The following TERT variants were observed in gnomAD, a reference collection of about 807,000 sequenced individuals.
TERT encodes the protein telomerase reverse transcriptase.
Under a neutral mutation model 104.0 loss-of-function variants are expected in TERT, and 42 were observed. The ratio of observed to expected loss-of-function variants is 0.40; its 90% CI spans 0.32 to 0.52. The LOEUF (loss-of-function observed/expected upper bound fraction) is 0.52, where lower values mean the gene tolerates loss of function less well. Ranked by LOEUF, TERT falls within the 20% of genes least tolerant of loss-of-function variation. The pLI is 0.43. For missense variants in TERT, 1,101 were observed against 1,610.3 expected (o/e 0.68, Z 5.41); for synonymous variants, 781 against 725.6 (o/e 1.08, Z -1.23).
rs373383991 is a variant in TERT, at chr5:1,278,813, G to A, written c.2131-17C>T. 2.1e-5 allele frequency: 34 copies of A among 1,613,634 alleles called. 1 individual carries two copies. The East Asian group carries it at 3.6e-4, about 17-fold the overall frequency. On this transcript the variant is annotated splice_polypyrimidine_tract_variant and intron_variant, in intron 5 of 15. Transcript: ENST00000310581. ...CACATCCACCTGTGTGAGTGGAGGC[G>A]AGGAGACTGACAGTGGCCACGCAGA...
At position 1,260,618 on chromosome 5, in the gene TERT, A is replaced by G. The variant is rs985349437; in HGVS notation, c.2844-18T>C. ...GGGCATAGCTGAGACACAGGGGGGA[A>G]TGTCAGACACAGGTGCCTGCCCCAC... On this transcript the variant is annotated intron_variant, in intron 11 of 15. Transcript: ENST00000310581. The G allele has an allele frequency of 3.7e-6, 6 of 1,613,168 alleles. No individual in the cohort carries two copies. The highest frequency in any genetic ancestry group is 5.1e-6 in the Non-Finnish European group (6 of 1,179,684).
intron 6 of TERT, among the ~76,000 whole-genome samples, chr5:1,272,498 C>T (rs1028353439): frequency 1.2e-4 from 19 of 152,066 alleles, no homozygotes; most frequent in Admixed American, 3.9e-4. Context: ...CCTGCAGCTA[C>T]CACACATCAG....
chr5:1,258,553 G>C, intron 13 of TERT, 45 bp downstream of exon 13: 1 of 1,538,898 alleles, frequency 6.5e-7, no homozygotes, highest in Non-Finnish European at 8.8e-7. Context: ...GCAGAGCGCG[G>C]AGGGTCCCTG....
chr5:1,293,626 G>T lies in TERT; in HGVS notation c.1260C>A (p.Thr420=), dbSNP rs763270537. The T allele has an allele frequency of 6.4e-7, 1 of 1,552,796 alleles. No homozygotes were observed. Among genetic ancestry groups the T allele is most frequent in the Non-Finnish European group, 8.7e-7 (1 of 1,148,088 alleles). ...KTHCPLRAAV[T]PAAGVCAREK... ...CCCGGGCACAGACACCGGCTGCTGG[G>T]GTGACCGCAGCTCGCAGCGGGCAGT... The change falls in exon 2 of 16, where the codon ACC becomes ACA. Residue 420 remains threonine, a synonymous_variant. Coordinates refer to ENST00000310581, the MANE Select transcript of TERT (RefSeq NM_198253.3).
rs948469336 is a variant in TERT at position 1,265,217 on chromosome 5, C to T, written c.2655-625G>A. On this transcript the variant is annotated intron_variant, in intron 10 of 15. Transcript: ENST00000310581. The surrounding 1 kb of genome is among the most constrained non-coding windows in gnomAD (Gnocchi z 6.9). ...CCCCCTGTGCCCGGTAGCCTCTGCT[C>T]TGGCCTGGGCATCCCCTTCCCTTCC... 1.3e-5 allele frequency among the ~76,000 whole-genome samples: 2 copies of T among 152,178 alleles called. No individual in the cohort carries two copies. Among genetic ancestry groups the T allele is most frequent in the Non-Finnish European group, 2.9e-5 (2 of 68,024 alleles).
At chr5:1,253,864 G>C in intron 15 of TERT, 33 bp from the exon 16 acceptor site, 6 of 1,587,148 alleles carry the variant, frequency 3.8e-6, no homozygotes, top group Non-Finnish European at 5.1e-6. Context: ...CGTTCCAGAA[G>C]AGGCCAGAGG....
rs111384398 is a variant in TERT, at chr5:1,256,196, T to C, written c.3033-785A>G. Among the ~76,000 whole-genome samples, 11 of 152,172 alleles carry C rather than the reference T, an allele frequency of 7.2e-5. No homozygotes were observed. Among genetic ancestry groups the C allele is most frequent in the South Asian group, 4.2e-4 (2 of 4,812 alleles). On this transcript the variant is annotated intron_variant, in intron 13 of 15. Transcript: ENST00000310581. This position sits in a 1 kb window ranked among gnomAD's most constrained non-coding sequence, Gnocchi z 7.0. ...AGCTAATTTTTGTTTTTATTTTTCA[T>C]AGAGATGGGGTTCTACTATGTTGCT...
At chr5:1,283,833 C>T (rs1440193140) in intron 2 of TERT, among the ~76,000 whole-genome samples, 2 of 147,316 alleles carry the variant, frequency 1.4e-5, no homozygotes, top group Non-Finnish European at 3.0e-5. Context: ...GGCCTAGCGA[C>T]CTCACCCTGG....
intron 2 of TERT, 61 bp downstream of exon 2, chr5:1,293,252 T>C: frequency 6.3e-7 from 1 of 1,598,900 alleles, no homozygotes; most frequent in Non-Finnish European, 8.5e-7. Flanking sequence ...TGCCCCCTTT[T>C]CTGAGCCCCT....
At chr5:1,280,364 C>G (rs1327057294) in intron 3 of TERT, 26 bp from the exon 4 acceptor site, 1 of 1,608,596 alleles carries the variant, frequency 6.2e-7, no homozygotes, top group South Asian at 1.1e-5. Context: ...CCTCAGGAGG[C>G]TTGCTCAGCC....
rs1407345114 is a variant in TERT, at chr5:1,292,743, C to T, written c.1573+570G>A. On this transcript the variant is annotated intron_variant, in intron 2 of 15. Coordinates refer to ENST00000310581, the MANE Select transcript of TERT (RefSeq NM_198253.3). This position sits in a 1 kb window ranked among gnomAD's most constrained non-coding sequence, Gnocchi z 5.5. ...GGTCAGGCTGGTCTCAAACTCCTGA[C>T]CTCAGGTGATCCACCTGCCTCAGCT... Among the ~76,000 whole-genome samples, 2 of 152,188 alleles carry T rather than the reference C, an allele frequency of 1.3e-5. No homozygotes were observed. Among genetic ancestry groups the T allele is most frequent in the African/African-American group, 2.4e-5 (1 of 41,446 alleles).
intron 11 of TERT, 40 bp from the exon 12 acceptor site, chr5:1,260,640 C>T (rs1024172398): frequency 1.7e-5 from 27 of 1,611,132 alleles, no homozygotes; most frequent in Non-Finnish European, 1.9e-5. Context: ...GGTGCCTGCC[C>T]CACACCCAGC....
Position 1,268,498 on chromosome 5 carries a change from C to T in TERT, c.2582+22G>A. ...GCAAATCAACCCCCACCCAAGCCCC[C>T]CTGGGGAAGAGGAGGCCTCACCCGT... On this transcript the variant is annotated intron_variant, in intron 9 of 15. Coordinates refer to ENST00000310581, the MANE Select transcript of TERT (RefSeq NM_198253.3). The surrounding 1 kb of genome is among the most constrained non-coding windows in gnomAD (Gnocchi z 5.5). The T allele has an allele frequency of 1.9e-6, 3 of 1,597,870 alleles. No individual in the cohort carries two copies. Among genetic ancestry groups the T allele is most frequent in the Non-Finnish European group, 2.6e-6 (3 of 1,166,604 alleles).
At chr5:1,284,082 A>G (rs1352584256) in intron 2 of TERT, among the ~76,000 whole-genome samples, 65 of 112,844 alleles carry the variant, frequency 5.8e-4, no homozygotes, top group East Asian at 1.9e-3. Context: ...AGGGCCTGGC[A>G]ACCTCACCCC....
In TERT at chr5:1,294,878, G is replaced by C. The variant is rs1004308241; in HGVS notation, c.112C>G (p.Leu38Val). 1 of 1,448,052 alleles carries C rather than the reference G, an allele frequency of 6.9e-7. No individual in the cohort carries two copies. Among genetic ancestry groups the C allele is most frequent in the Non-Finnish European group, 9.0e-7 (1 of 1,107,082 alleles). 89.7% of individuals were successfully genotyped at this position (1,448,052 alleles called of 1,614,324 possible). A position where few individuals can be genotyped will look rare whatever the true frequency, so the allele number is the denominator to read the frequency against. The change falls in exon 1 of 16, where the codon CTG becomes GTG. Residue 38 changes from leucine (L) to valine (V), a missense_variant. Transcript: ENST00000310581. ...VRRLGPQGWR[L>V]VQRGDPAAFR... ...GCCGCCGGGTCCCCGCGCTGCACCA[G>C]CCGCCAGCCCTGGGGCCCCAGGCGC...
chr5:1,271,338 G>A, intron 7 of TERT, 134 bp from the exon 8 acceptor site: 1 of 726,874 alleles, frequency 1.4e-6, no homozygotes, highest in Non-Finnish European at 2.5e-6. Flanking sequence ...TGGAATGCAG[G>A]GCCATCGTGG....
In TERT at chr5:1,274,523, G is replaced by A. The variant is rs980366842; in HGVS notation, c.2287-2243C>T. On this transcript the variant is annotated intron_variant, in intron 6 of 15. Coordinates refer to ENST00000310581, the MANE Select transcript of TERT (RefSeq NM_198253.3). This position sits in a 1 kb window ranked among gnomAD's most constrained non-coding sequence, Gnocchi z 5.3. ...GAAGGGGATGGTTTTGGGAGCAAACGGTTCCACCTCAGATCATCAGGCATT... is the reference window on the plus strand; with the variant it reads ...GAAGGGGATGGTTTTGGGAGCAAACAGTTCCACCTCAGATCATCAGGCATT... Among the ~76,000 whole-genome samples, 3 of 152,202 alleles carry A rather than the reference G, an allele frequency of 2.0e-5. No individual in the cohort carries two copies. The highest frequency in any genetic ancestry group is 4.4e-5 in the Non-Finnish European group (3 of 68,024).
intron 5 of TERT, 29 bp downstream of exon 5, chr5:1,279,262 G>C (rs1749837330): frequency 6.4e-7 from 1 of 1,554,594 alleles, no homozygotes; most frequent in Admixed American, 1.9e-5. Context: ...GGTCCAGCAG[G>C]GCTGCTCACG....
chr5:1,276,028 TCCCACAGATC>T (rs1749551296), intron 6 of TERT, among the ~76,000 whole-genome samples: 1 of 95,608 alleles, frequency 1.0e-5, no homozygotes, highest in Non-Finnish European at 2.1e-5. Flanking sequence ...TGAAAACCAA[TCCCACAGATC>T]CCCACCTACC....
Sources: allele counts gnomAD v4.1 joint callset (sites outside exome capture counted in the v4.1 genomes callset), GRCh38; gene constraint gnomAD v4.1.1; non-coding constraint Gnocchi (gnomAD v3.1); transcripts MANE v1.5; gene names NCBI Gene and HGNC (gene_info 2026-07-23, HGNC 2026-07-21).